The following WWOX variants were observed in gnomAD, a reference collection of about 807,000 sequenced individuals.
WWOX encodes the protein WW domain-containing oxidoreductase.
WWOX carries 69 observed loss-of-function variants against 46.2 expected under a neutral mutation model. The observed-to-expected ratio is 1.49, with a 90% CI of 1.23 to 1.82. WWOX has a LOEUF of 1.82. Among genes scored for constraint, WWOX ranks in the 40% most tolerant of loss-of-function variants. The probability of loss-of-function intolerance (pLI) is 0.00; values close to 1 mark genes in which losing one functional copy is unlikely to be tolerated. For missense variants in WWOX, 919 were observed against 542.6 expected (o/e 1.69, Z -6.89); for synonymous variants, 359 against 202.6 (o/e 1.77, Z -6.56).
intron 8 of WWOX, among the ~76,000 whole-genome samples, chr16:78,881,418 G>C (rs930362285): frequency 1.2e-4 from 19 of 152,136 alleles, no homozygotes; most frequent in Non-Finnish European, 1.6e-4. Flanking sequence ...TAATATACAG[G>C]TTTTCTCCAA....
At chr16:78,930,285 T>A (rs866372403) in intron 8 of WWOX, among the ~76,000 whole-genome samples, 1 of 91,220 alleles carries the variant, frequency 1.1e-5, no homozygotes, top group South Asian at 3.4e-4. Flanking sequence ...CTTTCTTTTT[T>A]TATTTTTTTT....
intron 8 of WWOX, among the ~76,000 whole-genome samples, chr16:78,607,511 T>G (rs757062309): frequency 6.6e-6 from 1 of 152,248 alleles, no homozygotes; most frequent in Non-Finnish European, 1.5e-5. Flanking sequence ...GGCTGTAATT[T>G]AGCAAAGTCT....
At chr16:78,510,152 C>G (rs1162178826) in intron 8 of WWOX, among the ~76,000 whole-genome samples, 1 of 152,114 alleles carries the variant, frequency 6.6e-6, no homozygotes, top group Non-Finnish European at 1.5e-5. Context: ...TTAGGAGTCA[C>G]TTATGCCCTT....
chr16:78,660,940 A>G (rs192032331), intron 8 of WWOX, among the ~76,000 whole-genome samples: 1 of 152,346 alleles, frequency 6.6e-6, no homozygotes, highest in East Asian at 1.9e-4. Context: ...CATGACGGAT[A>G]ATATGCCATC....
At chr16:79,033,094 A>G (rs1015740230) in intron 8 of WWOX, among the ~76,000 whole-genome samples, 2 of 150,158 alleles carry the variant, frequency 1.3e-5, no homozygotes, top group Admixed American at 6.6e-5. Context: ...TGCAAAGGAC[A>G]TGATCTCATT....
chr16:78,829,900 C>T (rs1341845694), intron 8 of WWOX, among the ~76,000 whole-genome samples: 3 of 152,162 alleles, frequency 2.0e-5, no homozygotes, highest in Non-Finnish European at 2.9e-5. Flanking sequence ...CCCGCCTCTT[C>T]TAAATACCAT....
chr16:78,672,525 G>GC (rs1465112642), intron 8 of WWOX, among the ~76,000 whole-genome samples: 1 of 152,144 alleles, frequency 6.6e-6, no homozygotes, highest in African/African-American at 2.4e-5. Flanking sequence ...AGGTCATTAG[G>GC]CCCAGAGTCG....
intron 1 of WWOX, among the ~76,000 whole-genome samples, chr16:78,103,769 C>T (rs1195131580): frequency 1.3e-5 from 2 of 152,060 alleles, no homozygotes; most frequent in Admixed American, 1.3e-4. Context: ...TATTGTTTCT[C>T]CTACTGTAGC....
intron 8 of WWOX, among the ~76,000 whole-genome samples, chr16:78,520,143 A>G (rs978416171): frequency 6.6e-6 from 1 of 152,214 alleles, no homozygotes; most frequent in Admixed American, 6.5e-5. Flanking sequence ...CCTTGTTCGC[A>G]TGTCCAGTCT....
At chr16:78,791,507 T>C (rs1377101402) in intron 8 of WWOX, among the ~76,000 whole-genome samples, 1 of 152,146 alleles carries the variant, frequency 6.6e-6, no homozygotes, top group Non-Finnish European at 1.5e-5. Context: ...TCTTGGCCTT[T>C]CTCTTGTGTT....
intron 8 of WWOX, among the ~76,000 whole-genome samples, chr16:78,814,165 G>A (rs185174834): frequency 3.9e-5 from 6 of 152,276 alleles, no homozygotes; most frequent in South Asian, 2.1e-4. Context: ...GCCGGCAAGC[G>A]GAGTCAGTTA....
At chr16:78,124,254 C>G (rs960888241) in intron 4 of WWOX, 1 of 151,972 alleles carries the variant, frequency 6.6e-6, no homozygotes, top group Non-Finnish European at 1.5e-5. Context: ...CATTGCAAAG[C>G]TATTTCACCA....
chr16:78,554,938 A>C (rs1027442072), intron 8 of WWOX, among the ~76,000 whole-genome samples: 1 of 152,076 alleles, frequency 6.6e-6, no homozygotes, highest in Non-Finnish European at 1.5e-5. Context: ...TTTGCTGCAT[A>C]GGCGGCCTGT....
chr16:78,469,336 A>G (rs550102676), intron 8 of WWOX, among the ~76,000 whole-genome samples: 3 of 152,350 alleles, frequency 2.0e-5, no homozygotes, highest in South Asian at 4.1e-4. Flanking sequence ...CAAGGAAAAT[A>G]TAGCTGACTA....
intron 8 of WWOX, among the ~76,000 whole-genome samples, chr16:78,533,350 G>A (rs2043672601): frequency 6.6e-6 from 1 of 151,864 alleles, no homozygotes; most frequent in Non-Finnish European, 1.5e-5. Context: ...GGCTTCCCTG[G>A]GCCACATTGG....
In WWOX at chr16:79,207,494, T is replaced by C. The variant is rs116326902; in HGVS notation, c.1057-4114T>C. Among the ~76,000 whole-genome samples the C allele has an allele frequency of 4.8e-3, 730 of 152,310 alleles. 6 individuals are homozygous for C. The highest frequency in any genetic ancestry group is 0.017 in the African/African-American group (690 of 41,576). ...GGTTCATTCCTTTCATAACTCTACTTTTTGCATAAGTGGATTAATTCAGCA... is the reference window on the plus strand; with the variant it reads ...GGTTCATTCCTTTCATAACTCTACTCTTTGCATAAGTGGATTAATTCAGCA... On this transcript the variant is annotated intron_variant, in intron 8 of 8. Coordinates refer to ENST00000566780, the MANE Select transcript of WWOX (RefSeq NM_016373.4).
intron 8 of WWOX, among the ~76,000 whole-genome samples, chr16:78,714,421 C>T (rs1324391398): frequency 2.6e-5 from 4 of 151,962 alleles, no homozygotes; most frequent in Admixed American, 6.6e-5. Flanking sequence ...ACGAGAACAG[C>T]ATGGGAAAGA....
At position 78,560,696 on chromosome 16, in the gene WWOX, A is replaced by T. The variant is rs540024645; in HGVS notation, c.1056+127944A>T. ...AATAATAATAATGTTAGTGATACAT[A>T]TCATTTTGAAACCAGTTCTTAAGCA... is the stretch of plus-strand genomic sequence containing the variant. On this transcript the variant is annotated intron_variant, in intron 8 of 8. Transcript: ENST00000566780. Among the ~76,000 whole-genome samples, 5 of 152,306 alleles carry T rather than the reference A, an allele frequency of 3.3e-5. No individual in the cohort carries two copies. In the South Asian group the frequency reaches 1.0e-3, roughly 32 times the overall value.
intron 8 of WWOX, among the ~76,000 whole-genome samples, chr16:78,787,058 G>T (rs1597608750): frequency 6.6e-6 from 1 of 152,216 alleles, no homozygotes; most frequent in South Asian, 2.1e-4. Context: ...TGAGGCAGGA[G>T]AATCGCTTGA....
Sources: allele counts gnomAD v4.1 joint callset (sites outside exome capture counted in the v4.1 genomes callset), GRCh38; gene constraint gnomAD v4.1.1; transcripts MANE v1.5; gene names NCBI Gene and HGNC (gene_info 2026-07-23, HGNC 2026-07-21).